Variants in PDE8B observed in about 807,000 individuals in gnomAD.
The protein encoded by PDE8B is phosphodiesterase 8B, also known as high affinity cAMP-specific and IBMX-insensitive 3',5'-cyclic phosphodiesterase 8B.
PDE8B carries 26 observed loss-of-function variants against 101.3 expected under a neutral mutation model. That is an observed-to-expected ratio of 0.26 (90% CI 0.19 to 0.36). The LOEUF is 0.36. Among genes scored for constraint, PDE8B ranks in the 10% least tolerant of loss-of-function variants. The probability of loss-of-function intolerance (pLI) is 1.00; values close to 1 mark genes in which losing one functional copy is unlikely to be tolerated. For missense variants in PDE8B, 810 were observed against 1,163.1 expected, an observed-to-expected ratio of 0.70 and a Z score of 4.42; for synonymous variants, 424 against 429.3, an observed-to-expected ratio of 0.99 and a Z score of 0.15.
At chr5:77,185,982 G>C in the PDE8B span, among the ~76,000 whole-genome samples, 4,326 of 152,330 alleles carry the variant, frequency 0.028, 89 homozygotes, top group Non-Finnish European at 0.044. Flanking sequence ...AATGGGAATA[G>C]TAATACTTCC....
the PDE8B span, among the ~76,000 whole-genome samples, chr5:77,149,615 T>G: frequency 6.6e-6 from 1 of 152,226 alleles, no homozygotes; most frequent in African/African-American, 2.4e-5. Context: ...TTTTTGAGGC[T>G]TTGTGAATAG....
At chr5:77,146,567 C>T in the PDE8B span, 3 of 219,590 alleles carry the variant, frequency 1.4e-5, no homozygotes, top group Non-Finnish European at 2.8e-5. Flanking sequence ...AATAACTAAA[C>T]ATGGGCAAAA....
chr5:77,344,956 A>G (rs1015889040), intron 7 of PDE8B, 25 bp downstream of exon 7: 10 of 1,470,814 alleles, frequency 6.8e-6, no homozygotes, highest in Admixed American at 3.3e-5. Context: ...CACCTCTATC[A>G]TTAACATTCA....
Position 77,411,836 on chromosome 5 carries a change from A to T in PDE8B, c.1576+115A>T, listed in dbSNP as rs1046967792. On this transcript the variant is annotated intron_variant, in intron 15 of 21. Transcript: ENST00000264917. ...TTCCAGCTAGTCCCATTTGAGTTTA[A>T]GCATCAATATGGTCTACATTTAAAA... is the stretch of plus-strand genomic sequence containing the variant. The T allele has an allele frequency of 3.5e-6, 3 of 858,410 alleles. No individual in the cohort carries two copies. The African/African-American group carries it at 5.0e-5, about 14-fold the overall frequency. The allele number at this position is 858,410 out of a possible 1,614,324, so 53.2% of individuals were successfully genotyped here.
intron 2 of PDE8B, among the ~76,000 whole-genome samples, chr5:77,317,976 A>G (rs1402170520): frequency 6.8e-6 from 1 of 147,140 alleles, no homozygotes; most frequent in Non-Finnish European, 1.5e-5. Context: ...GAATTGCTTG[A>G]ACCTGGGAGG....
intron 4 of PDE8B, among the ~76,000 whole-genome samples, chr5:77,330,817 A>G (rs955585967): frequency 6.6e-6 from 1 of 152,202 alleles, no homozygotes; most frequent in Non-Finnish European, 1.5e-5. Flanking sequence ...TACTCAAACT[A>G]AAGTCCTGAG....
intron 2 of PDE8B, among the ~76,000 whole-genome samples, chr5:77,322,791 C>G (rs1775333262): frequency 6.6e-6 from 1 of 152,196 alleles, no homozygotes; most frequent in Non-Finnish European, 1.5e-5. Flanking sequence ...GTATAATGTG[C>G]TTACTTAATA....
At chr5:77,373,401 TACACACCCA>T (rs1265259309) in intron 10 of PDE8B, among the ~76,000 whole-genome samples, 1 of 152,188 alleles carries the variant, frequency 6.6e-6, no homozygotes, top group Non-Finnish European at 1.5e-5. Context: ...TTGTTGTATG[TACACACCCA>T]TGAAGCCATC....
chr5:77,116,949 C>T, the PDE8B span, among the ~76,000 whole-genome samples: 19 of 152,296 alleles, frequency 1.2e-4, no homozygotes, highest in East Asian at 3.5e-3. Context: ...GAGTAAGTGC[C>T]CTTTCCCCCC....
the PDE8B span, chr5:77,118,272 T>G: frequency 5.0e-6 from 2 of 398,110 alleles, no homozygotes; most frequent in East Asian, 7.1e-5. Flanking sequence ...GTATCTAAGT[T>G]TAGAAGCATC....
At chr5:77,105,849 G>C in the PDE8B span, 1 of 152,154 alleles carries the variant, frequency 6.6e-6, no homozygotes, top group Non-Finnish European at 1.5e-5. Flanking sequence ...GTTCTAGTGG[G>C]TGTGAAATGG....
chr5:77,409,344 G>A (rs1345352902), intron 14 of PDE8B, among the ~76,000 whole-genome samples: 1 of 152,198 alleles, frequency 6.6e-6, no homozygotes, highest in Non-Finnish European at 1.5e-5. Context: ...AGGGCTCAAT[G>A]TGCAAGATGG....
the PDE8B span, among the ~76,000 whole-genome samples, chr5:77,133,732 G>T: frequency 6.6e-6 from 1 of 152,214 alleles, no homozygotes; most frequent in Non-Finnish European, 1.5e-5. Context: ...AATGATAAAA[G>T]TGTGAGCTAG....
intron 12 of PDE8B, among the ~76,000 whole-genome samples, chr5:77,406,484 A>G (rs972096484): frequency 2.0e-5 from 3 of 152,192 alleles, no homozygotes; most frequent in Non-Finnish European, 4.4e-5. Context: ...GGGAATTTGA[A>G]CTGGATTCAC....
chr5:77,303,269 G>A (rs1408238205), intron 1 of PDE8B, among the ~76,000 whole-genome samples: 3 of 152,150 alleles, frequency 2.0e-5, no homozygotes, highest in Non-Finnish European at 4.4e-5. Flanking sequence ...GCTGAGTGTG[G>A]TGCCTCATGC....
At chr5:77,233,667 T>TGA (rs1425768700) in intron 1 of PDE8B, among the ~76,000 whole-genome samples, 101 of 102,628 alleles carry the variant, frequency 9.8e-4, no homozygotes, top group Non-Finnish European at 1.7e-3. Context: ...TGTGTGTGTG[T>TGA]GTGTGTGTGT....
chr5:77,156,507 T>TA, the PDE8B span, among the ~76,000 whole-genome samples: 3 of 152,182 alleles, frequency 2.0e-5, no homozygotes, highest in Non-Finnish European at 2.9e-5. Context: ...AAGTGCCTAT[T>TA]ACGTACTGCT....
At chr5:77,349,702 T>C in intron 8 of PDE8B, 143 bp downstream of exon 8, 1 of 962,780 alleles carries the variant, frequency 1.0e-6, no homozygotes, top group Non-Finnish European at 1.6e-6. Flanking sequence ...CAAAATGAGT[T>C]CGTTTTTAAG....
chr5:77,252,807 A>C (rs1009283273), intron 1 of PDE8B, among the ~76,000 whole-genome samples: 3 of 152,208 alleles, frequency 2.0e-5, no homozygotes, highest in Non-Finnish European at 4.4e-5. Context: ...GACAGAAAAG[A>C]ATAATACTTC....
Sources: allele counts gnomAD v4.1 joint callset (sites outside exome capture counted in the v4.1 genomes callset), GRCh38; gene constraint gnomAD v4.1.1; transcripts MANE v1.5; gene names NCBI Gene and HGNC (gene_info 2026-07-23, HGNC 2026-07-21).